Variants in NR3C1 observed in about 807,000 individuals in gnomAD.
NR3C1 encodes the protein nuclear receptor subfamily 3 group C member 1, also known as glucocorticoid receptor.
NR3C1 carries 14 observed loss-of-function variants against 74.0 expected under a neutral mutation model. The ratio of observed to expected loss-of-function variants is 0.19; its 90% CI spans 0.12 to 0.30. The LOEUF (loss-of-function observed/expected upper bound fraction) is 0.30. Among genes scored for constraint, NR3C1 ranks in the 10% least tolerant of loss-of-function variants. NR3C1 has a pLI of 1.00. For missense variants in NR3C1, 695 were observed against 909.8 expected (o/e 0.76, Z 3.04); for synonymous variants, 308 against 332.5 (o/e 0.93, Z 0.80).
chr5:143,318,193 T>C (rs1822572439), intron 2 of NR3C1, among the ~76,000 whole-genome samples: 1 of 152,076 alleles, frequency 6.6e-6, no homozygotes, highest in Non-Finnish European at 1.5e-5. Flanking sequence ...GAAAGAGAAG[T>C]GCTACAGTCT....
chr5:143,373,302 A>G (rs1407771952), intron 2 of NR3C1, among the ~76,000 whole-genome samples: 1 of 152,222 alleles, frequency 6.6e-6, no homozygotes, highest in Non-Finnish European at 1.5e-5. Context: ...AAACTCTGGA[A>G]ACAATCCAAG....
At chr5:143,292,744 C>T (rs1816221749) in intron 7 of NR3C1, among the ~76,000 whole-genome samples, 1 of 152,114 alleles carries the variant, frequency 6.6e-6, no homozygotes, top group Non-Finnish European at 1.5e-5. Flanking sequence ...TTGCCATAGT[C>T]TTCCTGGCTT....
At position 143,278,458 on chromosome 5, in the gene NR3C1, C is replaced by G. The variant is rs886060038; in HGVS notation, c.*3431G>C. ...GAGAAGCAAATCCTTTCCTGAAAAC[C>G]TGGTCACTAATCCTGGGTGGACCAG... On this transcript the variant is annotated 3_prime_UTR_variant, in exon 9 of 9. Coordinates refer to ENST00000394464, the MANE Select transcript of NR3C1 (RefSeq NM_000176.3). 2 of 152,132 alleles carry G rather than the reference C, an allele frequency of 1.3e-5. No individual in the cohort carries two copies. The highest frequency in any genetic ancestry group is 4.1e-4 in the South Asian group (2 of 4,836). 9.4% of individuals were successfully genotyped at this position (152,132 alleles called of 1,614,324 possible).
intron 1 of NR3C1, among the ~76,000 whole-genome samples, chr5:143,426,246 C>T (rs1317703103): frequency 1.3e-5 from 2 of 152,148 alleles, no homozygotes; most frequent in Admixed American, 6.5e-5. Flanking sequence ...GGAGTGACTA[C>T]TAATAGAACC....
intron 1 of NR3C1, chr5:143,402,688 C>A: frequency 1.0e-6 from 1 of 985,488 alleles, no homozygotes; most frequent in Non-Finnish European, 1.2e-6. Context: ...TGTCAGCCCC[C>A]CGCGTGTGCA....
chr5:143,286,249 G>A (rs577123694), intron 7 of NR3C1, among the ~76,000 whole-genome samples: 7 of 152,088 alleles, frequency 4.6e-5, no homozygotes, highest in Non-Finnish European at 1.0e-4. Context: ...AACCAAGACA[G>A]CTTCACTGCT....
At chr5:143,308,380 C>T (rs2151593626) in intron 4 of NR3C1, among the ~76,000 whole-genome samples, 2 of 152,218 alleles carry the variant, frequency 1.3e-5, no homozygotes, top group Non-Finnish European at 2.9e-5. Context: ...GGGAAGATGG[C>T]TTGAGTCTAG....
chr5:143,289,153 T>G (rs1300118338), intron 7 of NR3C1, among the ~76,000 whole-genome samples: 2 of 151,722 alleles, frequency 1.3e-5, no homozygotes, highest in Admixed American at 6.6e-5. Flanking sequence ...AACAACAGAT[T>G]TGGAGAATTC....
chr5:143,339,453 T>G (rs1827801123), intron 2 of NR3C1, among the ~76,000 whole-genome samples: 1 of 152,218 alleles, frequency 6.6e-6, no homozygotes, highest in Non-Finnish European at 1.5e-5. Context: ...CTTTTATCTT[T>G]CAATCCTTCA....
At chr5:143,377,251 C>G (rs571947525) in intron 2 of NR3C1, among the ~76,000 whole-genome samples, 1 of 152,210 alleles carries the variant, frequency 6.6e-6, no homozygotes, top group South Asian at 2.1e-4. Context: ...ATTTGGCAGA[C>G]AGGAAGGGGA....
intron 2 of NR3C1, among the ~76,000 whole-genome samples, chr5:143,321,291 G>C (rs852980): frequency 0.53 from 79,898 of 151,974 alleles, 21,534 homozygotes; most frequent in East Asian, 0.75. Context: ...TTCTTAAAGA[G>C]AGATTTGAAT....
At chr5:143,293,749 A>G (rs1245087985) in intron 7 of NR3C1, 1 of 444,708 alleles carries the variant, frequency 2.2e-6, no homozygotes, top group Non-Finnish European at 3.0e-6. Flanking sequence ...CTTAAGGTAT[A>G]TATTTCCATC....
chr5:143,386,313 GA>G (rs1239029034), intron 2 of NR3C1, among the ~76,000 whole-genome samples: 5 of 152,042 alleles, frequency 3.3e-5, no homozygotes, highest in African/African-American at 1.2e-4. Context: ...TTTATATTTA[GA>G]AAAAAAGTTG....
chr5:143,325,796 G>A (rs2151673126), intron 2 of NR3C1, among the ~76,000 whole-genome samples: 1 of 152,212 alleles, frequency 6.6e-6, no homozygotes, highest in South Asian at 2.1e-4. Flanking sequence ...AGGGGTGGGG[G>A]CTGCTATATT....
chr5:143,306,229 A>T (rs1819562581), intron 4 of NR3C1, among the ~76,000 whole-genome samples: 1 of 152,220 alleles, frequency 6.6e-6, no homozygotes, highest in Admixed American at 6.5e-5. Flanking sequence ...GCAAGAGTAT[A>T]AAAATACACC....
At chr5:143,332,575 A>G in intron 2 of NR3C1, 2 of 949,236 alleles carry the variant, frequency 2.1e-6, no homozygotes, top group African/African-American at 1.7e-5. Context: ...TAATTAAAAA[A>G]AGAATTGAGT....
chr5:143,285,302 C>CATAG (rs1457847164), intron 7 of NR3C1, among the ~76,000 whole-genome samples: 1 of 152,144 alleles, frequency 6.6e-6, no homozygotes, highest in African/African-American at 2.4e-5. Flanking sequence ...AAAAAGGCTA[C>CATAG]ATAGATCAGT....
intron 2 of NR3C1, 91 bp from the exon 3 acceptor site, chr5:143,314,259 C>G (rs1214684448): frequency 7.3e-7 from 1 of 1,370,536 alleles, no homozygotes; most frequent in Non-Finnish European, 1.0e-6. Context: ...AGTCAGAATG[C>G]TCACAGTGAA....
chr5:143,350,021 G>A (rs1829960758), intron 2 of NR3C1, among the ~76,000 whole-genome samples: 1 of 152,136 alleles, frequency 6.6e-6, no homozygotes, highest in South Asian at 2.1e-4. Context: ...ATAGGGAACA[G>A]CATTATGCAA....
Sources: gnomAD v4.1 joint callset for allele counts (sites outside exome capture counted in the v4.1 genomes callset) on GRCh38, gnomAD v4.1.1 for gene constraint, MANE v1.5 for transcripts, NCBI Gene and HGNC (gene_info 2026-07-23, HGNC 2026-07-21) for gene names.